ARHGAP20: variants seen among roughly 807,000 people sequenced by gnomAD.
The protein encoded by ARHGAP20 is Rho GTPase activating protein 20, also known as rho GTPase-activating protein 20.
ARHGAP20 carries 34 observed loss-of-function variants against 73.7 expected under a neutral mutation model. The ratio of observed to expected loss-of-function variants is 0.46; its 90% CI spans 0.35 to 0.61. The LOEUF is 0.61. ARHGAP20 is among the 20% of genes least tolerant of loss of function. The probability of loss-of-function intolerance (pLI) is 0.00; values close to 1 mark genes in which losing one functional copy is unlikely to be tolerated. For synonymous variants in ARHGAP20, 523 were observed against 518.2 expected (o/e 1.01, Z -0.13); for missense variants, 1,314 against 1,420.9 (o/e 0.92, Z 1.21).
At chr11:110,680,698 C>CACTAGAATGTGGAGAG (rs1950021309) in intron 2 of ARHGAP20, among the ~76,000 whole-genome samples, 1 of 152,108 alleles carries the variant, frequency 6.6e-6, no homozygotes, top group Admixed American at 6.5e-5. Flanking sequence ...CATCAAAGCC[C>CACTAGAATGTGGAGAG]ACTAGAATGT....
chr11:110,612,905 C>CCAGT (rs1948401428), intron 6 of ARHGAP20, among the ~76,000 whole-genome samples: 1 of 152,134 alleles, frequency 6.6e-6, no homozygotes, highest in Admixed American at 6.5e-5. Context: ...AGCACTCAAC[C>CCAGT]CAGTGTCTGT....
rs1947391798 is a variant in ARHGAP20, at chr11:110,579,794, T to C, written c.3152A>G (p.Lys1051Arg). ...GVASLKNWSL[K>R]KKAKAARPEE... ...TGGTCTGGCTGCCTTTGCTTTCTTTTTGAGGGACCAGTTTTTCAAACTGGC... is the reference window on the plus strand; with the variant it reads ...TGGTCTGGCTGCCTTTGCTTTCTTTCTGAGGGACCAGTTTTTCAAACTGGC... Residue 1051 changes from lysine (K) to arginine (R), a missense_variant, in exon 15 of 15, where the codon AAA (lysine) becomes AGA (arginine). Around this residue, in one of 3 missense-constraint regions of ARHGAP20, gnomAD observed 641 missense variants for 636.9 expected, o/e 1.01. Coordinates refer to ENST00000683387, the MANE Select transcript of ARHGAP20 (RefSeq NM_001384657.1). 5 of 1,614,132 alleles carry C rather than the reference T, an allele frequency of 3.1e-6. No homozygotes were observed. The South Asian group carries it at 3.3e-5, about 11-fold the overall frequency.
At chr11:110,685,442 T>A (rs1950113355) in intron 2 of ARHGAP20, among the ~76,000 whole-genome samples, 2 of 152,076 alleles carry the variant, frequency 1.3e-5, no homozygotes, top group Non-Finnish European at 2.9e-5. Context: ...CATTTCCTAA[T>A]ATAATAATTA....
At chr11:110,615,641 CA>C in intron 4 of ARHGAP20, 47 bp from the exon 5 acceptor site, 1 of 1,512,278 alleles carries the variant, frequency 6.6e-7, no homozygotes, top group Non-Finnish European at 9.1e-7. Flanking sequence ...ACATAAAATA[CA>C]AATGCTAACA....
chr11:110,635,480 A>C (rs1243149718), intron 2 of ARHGAP20, among the ~76,000 whole-genome samples: 1 of 152,108 alleles, frequency 6.6e-6, no homozygotes, highest in East Asian at 1.9e-4. Context: ...AAAATTCTAC[A>C]ATAGTGTATT....
At chr11:110,658,993 T>A (rs373735202) in intron 2 of ARHGAP20, among the ~76,000 whole-genome samples, 1 of 152,102 alleles carries the variant, frequency 6.6e-6, no homozygotes, top group African/African-American at 2.4e-5. Context: ...AAGTCTTTGC[T>A]ATTGTGAATA....
chr11:110,684,584 A>AAAAAACT (rs1335763329), intron 2 of ARHGAP20, among the ~76,000 whole-genome samples: 30 of 152,154 alleles, frequency 2.0e-4, no homozygotes, highest in Admixed American at 9.2e-4. Context: ...AAACAAAGGA[A>AAAAAACT]AAAAACTAGT....
Position 110,652,936 on chromosome 11 carries a change from C to T in ARHGAP20, c.189-22144G>A, listed in dbSNP as rs146017532. ...GACTACACATCTATAATCATCTGAT[C>T]TTTGACAAACCTGACAAAAACAACA... On this transcript the variant is annotated intron_variant, in intron 2 of 14. Coordinates refer to ENST00000683387, the MANE Select transcript of ARHGAP20 (RefSeq NM_001384657.1). Among the ~76,000 whole-genome samples, 638 of 152,270 alleles carry T rather than the reference C, an allele frequency of 4.2e-3. 2 individuals carry two copies. The highest frequency in any genetic ancestry group is 0.01 in the Middle Eastern group (3 of 294).
In ARHGAP20 at chr11:110,580,258, C is replaced by A; in HGVS notation, c.2688G>T (p.Gln896His). ...KRHKSLQMEGQKLINQSLVMG... is the reference protein window; with the variant it reads ...KRHKSLQMEGHKLINQSLVMG... ...TGACTAAACTCTGATTAATGAGCTT[C>A]TGCCCCTCCATTTGCAAAGACTTAT... is the stretch of plus-strand genomic sequence containing the variant. Residue 896 changes from glutamine (Q) to histidine (H), a missense_variant, in exon 15 of 15, where the codon CAG becomes CAT. This residue lies in a region of ARHGAP20 where 641 missense variants were observed against 636.9 expected (regional missense o/e 1.01). Coordinates refer to ENST00000683387, the MANE Select transcript of ARHGAP20 (RefSeq NM_001384657.1). 6.2e-7 allele frequency: 1 copy of A among 1,614,240 alleles called. No individual in the cohort carries two copies. Among genetic ancestry groups the A allele is most frequent in the Middle Eastern group, 1.6e-4 (1 of 6,062 alleles).
At chr11:110,633,365 T>C (rs1250994284) in intron 2 of ARHGAP20, among the ~76,000 whole-genome samples, 2 of 152,210 alleles carry the variant, frequency 1.3e-5, no homozygotes, top group Admixed American at 6.5e-5. Flanking sequence ...AGGCTCTCTA[T>C]TCTGTTGCAC....
intron 1 of ARHGAP20, among the ~76,000 whole-genome samples, chr11:110,708,258 C>T (rs909336918): frequency 3.9e-5 from 6 of 152,220 alleles, no homozygotes; most frequent in Non-Finnish European, 7.4e-5. Context: ...ATAATAAGTA[C>T]TGGTGAAAAT....
At chr11:110,644,341 T>G (rs115901410) in intron 2 of ARHGAP20, among the ~76,000 whole-genome samples, 4,996 of 151,834 alleles carry the variant, frequency 0.033, 192 homozygotes, top group African/African-American at 0.091. Context: ...AGACACGAAA[T>G]AGTCAAAGCA....
intron 1 of ARHGAP20, chr11:110,711,679 C>T (rs1378372448): frequency 6.8e-7 from 1 of 1,460,696 alleles, no homozygotes; most frequent in East Asian, 2.8e-5. Context: ...CCGGCTGCCG[C>T]TCCCGGGCAG....
At chr11:110,667,799 T>C (rs759499152) in intron 2 of ARHGAP20, among the ~76,000 whole-genome samples, 2 of 152,298 alleles carry the variant, frequency 1.3e-5, no homozygotes, top group South Asian at 4.1e-4. Context: ...TGGATGACTT[T>C]GAGGAGTTCA....
chr11:110,618,035 T>C (rs1948523358), intron 4 of ARHGAP20, among the ~76,000 whole-genome samples: 1 of 152,092 alleles, frequency 6.6e-6, no homozygotes, highest in Admixed American at 6.6e-5. Context: ...AAGGAGTCAT[T>C]AGGGAGGCTG....
intron 1 of ARHGAP20, chr11:110,711,712 G>A (rs901606053): frequency 7.1e-7 from 1 of 1,417,500 alleles, no homozygotes; most frequent in South Asian, 1.5e-5. Context: ...CTGACTTTGG[G>A]GCTGACACCG....
intron 2 of ARHGAP20, among the ~76,000 whole-genome samples, chr11:110,650,215 T>C (rs10488769): frequency 0.31 from 46,527 of 152,014 alleles, 8,046 homozygotes; most frequent in African/African-American, 0.48. Flanking sequence ...ACTTTAATTA[T>C]AGTATGTATC....
At chr11:110,700,822 G>C (rs1950433559) in intron 1 of ARHGAP20, among the ~76,000 whole-genome samples, 1 of 144,866 alleles carries the variant, frequency 6.9e-6, no homozygotes, top group South Asian at 2.2e-4. Context: ...TCCCACCTAA[G>C]AGTGAGAATA....
chr11:110,690,890 A>C (rs570473873), intron 1 of ARHGAP20: 245 of 1,147,444 alleles, frequency 2.1e-4, no homozygotes, highest in Middle Eastern at 9.8e-4. Flanking sequence ...GTTTACCAGA[A>C]TATTTGGGAG....
Sources: allele counts gnomAD v4.1 joint callset (sites outside exome capture counted in the v4.1 genomes callset), GRCh38; gene constraint gnomAD v4.1.1; regional missense constraint gnomAD v4.1.1; transcripts MANE v1.5; gene names NCBI Gene and HGNC (gene_info 2026-07-23, HGNC 2026-07-21).